GRIN2A: variants seen among roughly 807,000 people sequenced by gnomAD.
The protein encoded by GRIN2A is glutamate ionotropic receptor NMDA type subunit 2A.
GRIN2A carries 22 observed loss-of-function variants against 113.4 expected under a neutral mutation model. The observed-to-expected ratio is 0.19, with a 90% CI of 0.14 to 0.28. The LOEUF is 0.28. Among genes scored for constraint, GRIN2A ranks in the 10% least tolerant of loss-of-function variants. GRIN2A has a pLI of 1.00. For missense variants in GRIN2A, 1,502 were observed against 1,887.0 expected (o/e 0.80, Z 3.78); for synonymous variants, 827 against 738.4 (o/e 1.12, Z -1.94).
At chr16:9,812,489 A>C (rs140943405) in intron 10 of GRIN2A, among the ~76,000 whole-genome samples, 2,355 of 152,144 alleles carry the variant, frequency 0.015, 91 homozygotes, top group African/African-American at 0.055. Context: ...AAATACAAAA[A>C]TTAACCGGGT....
At chr16:9,825,351 A>T (rs1367121282) in intron 9 of GRIN2A, among the ~76,000 whole-genome samples, 1 of 152,200 alleles carries the variant, frequency 6.6e-6, no homozygotes, top group Non-Finnish European at 1.5e-5. Flanking sequence ...GTTACCCACG[A>T]CATTTCAGCC....
At chr16:9,796,913 C>A (rs561394814) in intron 11 of GRIN2A, among the ~76,000 whole-genome samples, 1 of 152,338 alleles carries the variant, frequency 6.6e-6, no homozygotes, top group East Asian at 1.9e-4. Context: ...GGCCAGTGAT[C>A]TGAGGAAGGT....
intron 10 of GRIN2A, among the ~76,000 whole-genome samples, chr16:9,818,871 T>C (rs2042231414): frequency 6.6e-6 from 1 of 152,204 alleles, no homozygotes; most frequent in Non-Finnish European, 1.5e-5. Context: ...ACCCACTCTT[T>C]CAAGAAATTT....
intron 2 of GRIN2A, among the ~76,000 whole-genome samples, chr16:9,940,061 A>AGAGTGTGT (rs536496290): frequency 3.5e-5 from 5 of 142,892 alleles, no homozygotes; most frequent in African/African-American, 5.3e-5. Context: ...AGAGAGAGAG[A>AGAGTGTGT]GTGTGTGTGT....
chr16:10,080,959 T>C (rs947463024), intron 2 of GRIN2A, among the ~76,000 whole-genome samples: 1 of 152,158 alleles, frequency 6.6e-6, no homozygotes, highest in Non-Finnish European at 1.5e-5. Flanking sequence ...CCTGTTAGAC[T>C]CTGAGATCTT....
chr16:10,001,742 GC>G (rs1349729560), intron 2 of GRIN2A, among the ~76,000 whole-genome samples: 1 of 152,194 alleles, frequency 6.6e-6, no homozygotes, highest in Non-Finnish European at 1.5e-5. Context: ...CACATGGCCT[GC>G]TTTTACCAAA....
intron 2 of GRIN2A, among the ~76,000 whole-genome samples, chr16:10,039,200 GA>G (rs1892828578): frequency 6.6e-6 from 1 of 152,094 alleles, no homozygotes; most frequent in Admixed American, 6.5e-5. Flanking sequence ...AAGAAAGGCA[GA>G]GGGGGGACCC....
intron 2 of GRIN2A, among the ~76,000 whole-genome samples, chr16:10,086,058 G>T (rs2048080229): frequency 6.6e-6 from 1 of 152,148 alleles, no homozygotes; most frequent in South Asian, 2.1e-4. Flanking sequence ...ACCTCTACAT[G>T]AAGCAAAATC....
At chr16:9,817,681 A>G (rs551855496) in intron 10 of GRIN2A, among the ~76,000 whole-genome samples, 5 of 152,336 alleles carry the variant, frequency 3.3e-5, no homozygotes, top group Non-Finnish European at 7.3e-5. Context: ...TCGAGTCCAG[A>G]CTCAAACCCA....
chr16:9,900,233 G>T (rs2043894180), intron 3 of GRIN2A, among the ~76,000 whole-genome samples: 1 of 152,210 alleles, frequency 6.6e-6, no homozygotes. Context: ...CCCGAAGGGA[G>T]GCAATGAGAG....
In GRIN2A at chr16:10,049,373, A is replaced by AT. The variant is rs372971217; in HGVS notation, c.415-110823dup. On this transcript the variant is annotated intron_variant, in intron 2 of 12. Coordinates refer to ENST00000330684, the MANE Select transcript of GRIN2A (RefSeq NM_001134407.3). ...CACAGCATTACCACCTTATTTATTG[A>AT]TTTTTTACTATTTTTTTTTTTCGAG... 2.1e-3 allele frequency among the ~76,000 whole-genome samples: 311 copies of AT among 149,988 alleles called. 1 individual carries two copies. The highest frequency in any genetic ancestry group is 7.2e-3 in the African/African-American group (293 of 40,736).
At chr16:9,840,835 A>C in intron 6 of GRIN2A, 35 bp from the exon 7 acceptor site, 1 of 1,329,256 alleles carries the variant, frequency 7.5e-7, no homozygotes, top group Non-Finnish European at 1.0e-6. Context: ...AAAAAAAAAG[A>C]GAGAGAGAGA....
intron 10 of GRIN2A, among the ~76,000 whole-genome samples, chr16:9,807,414 GGAGAGACAGAGAGAAAGAGAGAC>G (rs2042003433): frequency 7.7e-6 from 1 of 130,686 alleles, no homozygotes; most frequent in Non-Finnish European, 1.7e-5. Flanking sequence ...GGGAGAGAAA[GGAGAGACAGAGAGAAAGAGAGAC>G]AGAGACAGAG....
At chr16:10,037,463 A>G (rs1022038929) in intron 2 of GRIN2A, among the ~76,000 whole-genome samples, 1 of 152,094 alleles carries the variant, frequency 6.6e-6, no homozygotes, top group Admixed American at 6.5e-5. Flanking sequence ...CATTATCCAG[A>G]GTGATCATTC....
At chr16:9,833,430 A>G (rs147067632) in intron 8 of GRIN2A, among the ~76,000 whole-genome samples, 22 of 152,234 alleles carry the variant, frequency 1.4e-4, no homozygotes, top group African/African-American at 4.6e-4. Flanking sequence ...ACTAGATTTT[A>G]TAAAGTCATT....
At chr16:9,845,523 A>G (rs1000640380) in intron 5 of GRIN2A, among the ~76,000 whole-genome samples, 1 of 152,150 alleles carries the variant, frequency 6.6e-6, no homozygotes, top group Admixed American at 6.5e-5. Flanking sequence ...AGTTCTGCTC[A>G]AAGAACACCC....
At chr16:9,911,118 C>G (rs2044126784) in intron 3 of GRIN2A, among the ~76,000 whole-genome samples, 1 of 152,064 alleles carries the variant, frequency 6.6e-6, no homozygotes, top group Non-Finnish European at 1.5e-5. Flanking sequence ...GCTAACAGCA[C>G]AGGAGCTAAC....
intron 3 of GRIN2A, among the ~76,000 whole-genome samples, chr16:9,906,637 T>C (rs1190592166): frequency 2.6e-5 from 4 of 152,170 alleles, no homozygotes; most frequent in Admixed American, 2.6e-4. Flanking sequence ...ATTCCCTATC[T>C]CCTGGAGGCA....
At chr16:9,914,667 G>A (rs1165700099) in intron 3 of GRIN2A, among the ~76,000 whole-genome samples, 1 of 152,090 alleles carries the variant, frequency 6.6e-6, no homozygotes, top group Non-Finnish European at 1.5e-5. Flanking sequence ...GGAACGTAAG[G>A]GGCTCCCAGA....
Sources: gnomAD v4.1 joint callset for allele counts (sites outside exome capture counted in the v4.1 genomes callset) on GRCh38, gnomAD v4.1.1 for gene constraint, MANE v1.5 for transcripts, NCBI Gene and HGNC (gene_info 2026-07-23, HGNC 2026-07-21) for gene names.